LRP1B: variants seen among roughly 807,000 people sequenced by gnomAD.
The protein encoded by LRP1B is LDL receptor related protein 1B.
Under a neutral mutation model 556.6 loss-of-function variants are expected in LRP1B, and 217 were observed. The ratio of observed to expected loss-of-function variants is 0.39; its 90% CI spans 0.35 to 0.44. The LOEUF is 0.44. LRP1B is among the 20% of genes least tolerant of loss of function. The pLI is 1.00. For missense variants in LRP1B, 5,053 were observed against 5,620.8 expected (o/e 0.90, Z 3.23); for synonymous variants, 2,047 against 1,865.8 (o/e 1.10, Z -2.50).
chr2:142,032,655 C>T (rs576308865), intron 1 of LRP1B, among the ~76,000 whole-genome samples: 1 of 151,770 alleles, frequency 6.6e-6, no homozygotes, highest in South Asian at 2.1e-4. Flanking sequence ...TGTATTTTTA[C>T]TAAAATTATC....
chr2:140,513,145 G>A, intron 51 of LRP1B, among the ~76,000 whole-genome samples: 1 of 151,988 alleles, frequency 6.6e-6, no homozygotes, highest in East Asian at 1.9e-4. Context: ...GATCATATTA[G>A]GTATACAGGT....
At chr2:140,242,806 A>G (rs934053947) in intron 87 of LRP1B, among the ~76,000 whole-genome samples, 1 of 151,336 alleles carries the variant, frequency 6.6e-6, no homozygotes, top group African/African-American at 2.4e-5. Context: ...AGTGGAAAGC[A>G]GAGGTGAGAT....
chr2:141,295,264 T>G (rs1473088446), intron 3 of LRP1B, among the ~76,000 whole-genome samples: 1 of 152,216 alleles, frequency 6.6e-6, no homozygotes, highest in Non-Finnish European at 1.5e-5. Context: ...TTATTTCAAG[T>G]TGATATATCT....
At chr2:141,208,694 C>T (rs969103020) in intron 6 of LRP1B, among the ~76,000 whole-genome samples, 1 of 151,536 alleles carries the variant, frequency 6.6e-6, no homozygotes, top group Non-Finnish European at 1.5e-5. Context: ...AGTGCAACCC[C>T]GTCTCTATTA....
chr2:140,354,305 C>T (rs990717809), intron 75 of LRP1B, among the ~76,000 whole-genome samples: 2 of 152,074 alleles, frequency 1.3e-5, no homozygotes, highest in Non-Finnish European at 2.9e-5. Context: ...GGTAGAGACA[C>T]TTGTAAATCA....
At chr2:140,358,714 GCC>G in intron 73 of LRP1B, 105 bp downstream of exon 73, 1 of 1,124,060 alleles carries the variant, frequency 8.9e-7, no homozygotes, top group Non-Finnish European at 1.3e-6. Flanking sequence ...TGAAAATAAT[GCC>G]CTCAGATGTC....
rs186935327 is a variant in LRP1B at position 140,604,370 on chromosome 2, A to T, written c.6800-2731T>A. Among the ~76,000 whole-genome samples, 17 of 152,210 alleles carry T rather than the reference A, an allele frequency of 1.1e-4. No individual in the cohort carries two copies. The East Asian group carries it at 3.3e-3, about 29-fold the overall frequency. On this transcript the variant is annotated intron_variant, in intron 41 of 90. Transcript: ENST00000389484. ...GCACATCAAAAAATACAAGCCAGGC[A>T]AGTAACTCAGAACCGTGGTTGTACC...
At chr2:140,529,377 G>A (rs1018222323) in intron 47 of LRP1B, among the ~76,000 whole-genome samples, 6 of 150,252 alleles carry the variant, frequency 4.0e-5, no homozygotes, top group Non-Finnish European at 4.4e-5. Flanking sequence ...AATAACCTAA[G>A]TCAATTCTCT....
chr2:141,345,667 T>G (rs919685133), intron 3 of LRP1B, among the ~76,000 whole-genome samples: 6 of 151,200 alleles, frequency 4.0e-5, no homozygotes, highest in African/African-American at 1.5e-4. Context: ...TTTTTTTTTT[T>G]TTTTTTTTTT....
intron 60 of LRP1B, among the ~76,000 whole-genome samples, chr2:140,467,291 T>C (rs1262718811): frequency 6.6e-6 from 1 of 152,090 alleles, no homozygotes; most frequent in Non-Finnish European, 1.5e-5. Context: ...AATTCATATG[T>C]TGACACCTAA....
intron 66 of LRP1B, among the ~76,000 whole-genome samples, chr2:140,435,972 T>TTCTC (rs879455930): frequency 2.7e-5 from 4 of 150,330 alleles, no homozygotes; most frequent in African/African-American, 7.3e-5. Context: ...CTCTCTTCCT[T>TTCTC]TCTCTCTCTC....
At position 140,708,219 on chromosome 2, in the gene LRP1B, A is replaced by G. The variant is rs1686908924; in HGVS notation, c.6024-5666T>C. ...ATGATAATGTTGAAGGGTTGTGGTG[A>G]GAAAAGTTGTCTTTCCTGTAAACAA... On this transcript the variant is annotated intron_variant, in intron 37 of 90. Coordinates refer to ENST00000389484, the MANE Select transcript of LRP1B (RefSeq NM_018557.3). Among the ~76,000 whole-genome samples the G allele has an allele frequency of 1.3e-5, 2 of 152,066 alleles. 1 individual carries two copies. The highest frequency in any genetic ancestry group is 2.9e-5 in the Non-Finnish European group (2 of 67,988).
intron 35 of LRP1B, among the ~76,000 whole-genome samples, chr2:140,747,091 T>A (rs1688341596): frequency 6.6e-6 from 1 of 152,184 alleles, no homozygotes; most frequent in Admixed American, 6.5e-5. Flanking sequence ...TGTGTCAGTT[T>A]CTATGGCTGT....
chr2:141,224,456 A>G (rs975474314), intron 6 of LRP1B, among the ~76,000 whole-genome samples: 1 of 152,174 alleles, frequency 6.6e-6, no homozygotes, highest in South Asian at 2.1e-4. Flanking sequence ...CAGAAATACC[A>G]TTTGACCCGG....
Position 140,444,343 on chromosome 2 carries a change from A to G in LRP1B, c.10281T>C (p.Asp3427=), listed in dbSNP as rs1573945668. The change falls in exon 65 of 91, where the codon GAT becomes GAC. Residue 3427 remains aspartate (D), a synonymous_variant. Transcript: ENST00000389484. The stretch of plus-strand genomic sequence containing the variant: ...GAGGTGACTTACGACAGTCTCTTTC[A>G]TCTTCCTCATCACCACAGTCATCTT... ...NGQDDCGDEE[D]ERDCPENSCS... 6.2e-7 allele frequency: 1 copy of G among 1,613,948 alleles called. No homozygotes were observed. Among genetic ancestry groups the G allele is most frequent in the Non-Finnish European group, 8.5e-7 (1 of 1,179,886 alleles).
intron 6 of LRP1B, among the ~76,000 whole-genome samples, chr2:141,203,346 T>C (rs1319187808): frequency 6.6e-6 from 1 of 151,652 alleles, no homozygotes; most frequent in African/African-American, 2.4e-5. Flanking sequence ...TGGAAGAATA[T>C]TTACCAAGTG....
In LRP1B at chr2:140,358,811, A is replaced by G. The variant is rs748182623; in HGVS notation, c.11257+10T>C. 6.2e-7 allele frequency: 1 copy of G among 1,606,246 alleles called. No individual in the cohort carries two copies. The highest frequency in any genetic ancestry group is 1.1e-5 in the South Asian group (1 of 90,756). On this transcript the variant is annotated intron_variant, in intron 73 of 90. Coordinates refer to ENST00000389484, the MANE Select transcript of LRP1B (RefSeq NM_018557.3). ...CCATCACTGAATTATTTCACATTAA[A>G]TGCATTTACCACCACAGTGATCTTC...
chr2:141,080,774 C>T (rs182993157), intron 7 of LRP1B, among the ~76,000 whole-genome samples: 1 of 152,278 alleles, frequency 6.6e-6, no homozygotes, highest in African/African-American at 2.4e-5. Context: ...ATTTCAGTTA[C>T]CTATGGTCAA....
intron 1 of LRP1B, among the ~76,000 whole-genome samples, chr2:141,962,702 T>C (rs1176265858): frequency 2.0e-5 from 3 of 151,808 alleles, no homozygotes. Flanking sequence ...ACATAAAGAT[T>C]AGCTGTAAAA....
Sources: gnomAD v4.1 joint callset for allele counts (sites outside exome capture counted in the v4.1 genomes callset) on GRCh38, gnomAD v4.1.1 for gene constraint, MANE v1.5 for transcripts, NCBI Gene and HGNC (gene_info 2026-07-23, HGNC 2026-07-21) for gene names.